Variants in MNAT1 observed in about 807,000 individuals in gnomAD.
MNAT1 encodes the protein CDK-activating kinase assembly factor MAT1.
Under a neutral mutation model 42.0 loss-of-function variants are expected in MNAT1, and 43 were observed. The observed-to-expected ratio is 1.02, with a 90% CI of 0.80 to 1.32. The LOEUF is 1.32. Among genes scored for constraint, MNAT1 ranks in the 40% most tolerant of loss-of-function variants. The probability of loss-of-function intolerance (pLI) is 0.00; values close to 1 mark genes in which losing one functional copy is unlikely to be tolerated. For missense variants in MNAT1, 306 were observed against 350.4 expected (o/e 0.87, Z 1.01); for synonymous variants, 118 against 120.0 (o/e 0.98, Z 0.11).
At chr14:60,863,044 C>T (rs980745282) in intron 6 of MNAT1, among the ~76,000 whole-genome samples, 3 of 151,662 alleles carry the variant, frequency 2.0e-5, no homozygotes, top group African/African-American at 4.8e-5. Context: ...AGTTTGTGAT[C>T]GAAAGATTCG....
intron 1 of MNAT1, among the ~76,000 whole-genome samples, chr14:60,744,383 C>T (rs923429382): frequency 9.2e-5 from 14 of 151,698 alleles, no homozygotes; most frequent in Admixed American, 3.9e-4. Context: ...CTGCGTGCCT[C>T]GGCCTCCCAA....
intron 7 of MNAT1, among the ~76,000 whole-genome samples, chr14:60,937,331 A>G (rs1247215105): frequency 1.3e-5 from 2 of 151,986 alleles, no homozygotes; most frequent in African/African-American, 4.8e-5. Context: ...TATTGCCTAG[A>G]TTTTCTTCTA....
chr14:60,772,509 T>G (rs1002413594), intron 1 of MNAT1, among the ~76,000 whole-genome samples: 1 of 151,958 alleles, frequency 6.6e-6, no homozygotes, highest in Admixed American at 6.6e-5. Flanking sequence ...CACAGGAGAA[T>G]TGCTTGAACC....
chr14:60,861,269 T>C (rs72722280), intron 6 of MNAT1, among the ~76,000 whole-genome samples: 1,847 of 152,272 alleles, frequency 0.012, 24 homozygotes, highest in Non-Finnish European at 0.016. Flanking sequence ...TAGTAATAAA[T>C]GTAAAAACGT....
chr14:60,899,738 T>C (rs1011666834), intron 7 of MNAT1, among the ~76,000 whole-genome samples: 19 of 152,150 alleles, frequency 1.2e-4, no homozygotes, highest in Non-Finnish European at 4.4e-5. Context: ...TAGAATAGGG[T>C]CCAGTTCACA....
At chr14:60,901,749 T>G (rs1293767736) in intron 7 of MNAT1, among the ~76,000 whole-genome samples, 1 of 152,186 alleles carries the variant, frequency 6.6e-6, no homozygotes, top group Non-Finnish European at 1.5e-5. Context: ...CCGTGGAGAC[T>G]GAAGATATGA....
At chr14:60,916,434 C>T (rs925325492) in intron 7 of MNAT1, among the ~76,000 whole-genome samples, 6 of 151,876 alleles carry the variant, frequency 4.0e-5, no homozygotes, top group East Asian at 1.9e-4. Flanking sequence ...GCACAAGGAT[C>T]GCTTGAGCCC....
intron 6 of MNAT1, among the ~76,000 whole-genome samples, chr14:60,864,774 T>C (rs960852641): frequency 6.6e-6 from 1 of 151,934 alleles, no homozygotes; most frequent in African/African-American, 2.4e-5. Context: ...ATGAGTGTGA[T>C]AGCGGTGGTG....
chr14:60,934,435 G>T (rs142261938), intron 7 of MNAT1, among the ~76,000 whole-genome samples: 1 of 152,086 alleles, frequency 6.6e-6, no homozygotes, highest in South Asian at 2.1e-4. Context: ...ATCTTATCTC[G>T]AATTTCCATG....
At chr14:60,911,214 T>C (rs1288784632) in intron 7 of MNAT1, among the ~76,000 whole-genome samples, 3 of 152,210 alleles carry the variant, frequency 2.0e-5, no homozygotes, top group African/African-American at 7.2e-5. Flanking sequence ...TTCTTCTCTC[T>C]TTTCTTCTTT....
intron 7 of MNAT1, among the ~76,000 whole-genome samples, chr14:60,912,218 T>C (rs111339855): frequency 6.6e-6 from 1 of 152,224 alleles, no homozygotes; most frequent in Non-Finnish European, 1.5e-5. Flanking sequence ...TGTGTGTCTG[T>C]GCACATGAGA....
intron 7 of MNAT1, among the ~76,000 whole-genome samples, chr14:60,910,395 C>A (rs2035321463): frequency 1.3e-5 from 2 of 152,118 alleles, no homozygotes; most frequent in South Asian, 4.1e-4. Context: ...GCATCCCTGT[C>A]TTGTGCCAGT....
intron 6 of MNAT1, among the ~76,000 whole-genome samples, chr14:60,822,601 A>C (rs2032924860): frequency 7.3e-6 from 1 of 136,628 alleles, no homozygotes; most frequent in Non-Finnish European, 1.6e-5. Flanking sequence ...AGTTTTTAAG[A>C]ATTTTTTTTT....
intron 7 of MNAT1, among the ~76,000 whole-genome samples, chr14:60,966,179 T>G (rs1159489143): frequency 6.6e-6 from 1 of 151,976 alleles, no homozygotes; most frequent in Non-Finnish European, 1.5e-5. Flanking sequence ...CAGGCTGGAG[T>G]GCAGTGGTGC....
intron 7 of MNAT1, among the ~76,000 whole-genome samples, chr14:60,886,372 G>A (rs368380861): frequency 1.4e-4 from 22 of 151,846 alleles, no homozygotes; most frequent in Admixed American, 6.6e-4. Context: ...CTATTCTTAC[G>A]GACATGGGAT....
chr14:60,748,650 CT>C (rs1275275224), intron 1 of MNAT1, among the ~76,000 whole-genome samples: 1 of 152,196 alleles, frequency 6.6e-6, no homozygotes, highest in Non-Finnish European at 1.5e-5. Flanking sequence ...ACTGTCTCCC[CT>C]CTCCACGTTT....
intron 1 of MNAT1, among the ~76,000 whole-genome samples, chr14:60,741,680 T>TTTTC (rs1555371492): frequency 7.1e-6 from 1 of 141,446 alleles, no homozygotes; most frequent in African/African-American, 2.6e-5. Flanking sequence ...TTTTTTTTTT[T>TTTTC]AATTTTTAGT....
intron 7 of MNAT1, among the ~76,000 whole-genome samples, chr14:60,939,219 T>C (rs2036080335): frequency 6.6e-6 from 1 of 152,236 alleles, no homozygotes; most frequent in Non-Finnish European, 1.5e-5. Context: ...GGGTTTTTTG[T>C]GTGTCTATCT....
At chr14:60,903,525 A>G (rs1049005569) in intron 7 of MNAT1, among the ~76,000 whole-genome samples, 1 of 152,198 alleles carries the variant, frequency 6.6e-6, no homozygotes, top group Non-Finnish European at 1.5e-5. Context: ...TTCACATACA[A>G]TAAAATACCT....
Sources: gnomAD v4.1 joint callset for allele counts (sites outside exome capture counted in the v4.1 genomes callset) on GRCh38, gnomAD v4.1.1 for gene constraint, MANE v1.5 for transcripts, NCBI Gene and HGNC (gene_info 2026-07-23, HGNC 2026-07-21) for gene names.